PCSK5: variants seen among roughly 807,000 people sequenced by gnomAD.
PCSK5 encodes prohormone convertase 5.
Under a neutral mutation model 233.2 loss-of-function variants are expected in PCSK5, and 129 were observed. The ratio of observed to expected loss-of-function variants is 0.55; its 90% CI spans 0.48 to 0.64. The LOEUF is 0.64. PCSK5 is among the 30% of genes least tolerant of loss of function. The pLI, the probability that PCSK5 is intolerant of heterozygous loss-of-function variation, is 0.00. For missense variants in PCSK5, 2,076 were observed against 2,430.1 expected (o/e 0.85, Z 3.06); for synonymous variants, 825 against 879.2 (o/e 0.94, Z 1.09).
chr9:76,224,649 A>G (rs960263593), intron 20 of PCSK5, among the ~76,000 whole-genome samples: 4 of 152,160 alleles, frequency 2.6e-5, no homozygotes. Context: ...TGTCTGGAGG[A>G]TGTATTTAAA....
chr9:75,974,700 A>G (rs935729700), intron 2 of PCSK5, among the ~76,000 whole-genome samples: 17 of 152,142 alleles, frequency 1.1e-4, no homozygotes, highest in South Asian at 2.1e-4. Context: ...CCTTCCCCCA[A>G]GGCAGTCCCT....
intron 30 of PCSK5, among the ~76,000 whole-genome samples, chr9:76,315,528 T>C (rs1216242785): frequency 1.3e-5 from 2 of 152,180 alleles, no homozygotes; most frequent in Non-Finnish European, 2.9e-5. Context: ...AAAAGAAATA[T>C]TCGTCTTCTT....
In PCSK5 at chr9:76,292,215, A is replaced by G. The variant is rs1828299467; in HGVS notation, c.3143-18A>G. The stretch of plus-strand genomic sequence containing the variant: ...GAATTCCTCATGATTATTACTTTTT[A>G]TTATTTTTTTTTTCCAGATGATCCA... On this transcript the variant is annotated intron_variant, in intron 24 of 37. Transcript: ENST00000674117. 6.9e-7 allele frequency: 1 copy of G among 1,452,930 alleles called. No homozygotes were observed. The highest frequency in any genetic ancestry group is 2.3e-5 in the East Asian group (1 of 44,236). 90.0% of individuals were successfully genotyped at this position (1,452,930 alleles called of 1,614,324 possible).
intron 28 of PCSK5, among the ~76,000 whole-genome samples, chr9:76,302,561 G>A (rs560382009): frequency 3.3e-5 from 5 of 152,232 alleles, no homozygotes; most frequent in South Asian, 2.1e-4. Flanking sequence ...CCCAGTCACC[G>A]CAGCATTGTT....
chr9:76,071,416 C>G (rs1830476624), intron 6 of PCSK5, among the ~76,000 whole-genome samples: 1 of 152,062 alleles, frequency 6.6e-6, no homozygotes, highest in Admixed American at 6.6e-5. Flanking sequence ...TTGAAGATCT[C>G]TTTGTCAAGT....
intron 11 of PCSK5, among the ~76,000 whole-genome samples, chr9:76,157,550 G>T (rs1341866698): frequency 6.6e-6 from 1 of 151,890 alleles, no homozygotes; most frequent in Non-Finnish European, 1.5e-5. Context: ...AAAAGAGATT[G>T]CAGTTTACTC....
At chr9:75,974,234 C>A (rs1467959572) in intron 2 of PCSK5, among the ~76,000 whole-genome samples, 1 of 152,116 alleles carries the variant, frequency 6.6e-6, no homozygotes, top group Non-Finnish European at 1.5e-5. Flanking sequence ...GCACCGCTCG[C>A]CTTCCCGTAG....
rs142301144 is a variant in PCSK5, at chr9:76,051,558, T to C, written c.633-16397T>C. On this transcript the variant is annotated intron_variant, in intron 5 of 37. Coordinates refer to ENST00000674117, the MANE Select transcript of PCSK5 (RefSeq NM_001372043.1). ...AAAGTGTTATATTTTTATTTTCTGA[T>C]ATCATAGGTAATACTTATCTCAGTA... 2.7e-4 allele frequency among the ~76,000 whole-genome samples: 41 copies of C among 152,174 alleles called. 2 individuals carry two copies. The East Asian group carries it at 7.9e-3, about 29-fold the overall frequency.
chr9:76,064,777 G>A (rs887923142), intron 5 of PCSK5, among the ~76,000 whole-genome samples: 5 of 150,302 alleles, frequency 3.3e-5, no homozygotes, highest in South Asian at 2.1e-4. Context: ...CAGATGGGGC[G>A]GCGGGGCAGA....
chr9:76,040,198 A>G (rs1276502209), intron 5 of PCSK5, among the ~76,000 whole-genome samples: 3 of 152,104 alleles, frequency 2.0e-5, no homozygotes, highest in African/African-American at 7.2e-5. Context: ...GCAGCTGAAA[A>G]CGGTTAACAC....
chr9:76,299,785 A>T (rs956138387), intron 27 of PCSK5, among the ~76,000 whole-genome samples: 2 of 152,238 alleles, frequency 1.3e-5, no homozygotes, highest in African/African-American at 4.8e-5. Flanking sequence ...CAGGTATGGC[A>T]GACCACGGGC....
chr9:75,939,677 A>G (rs528379581), intron 2 of PCSK5, among the ~76,000 whole-genome samples: 74 of 152,240 alleles, frequency 4.9e-4, no homozygotes, highest in Non-Finnish European at 9.6e-4. Flanking sequence ...TTAAAAATAA[A>G]AACCATAAAC....
At chr9:76,041,016 A>G (rs1440591224) in intron 5 of PCSK5, among the ~76,000 whole-genome samples, 1 of 152,232 alleles carries the variant, frequency 6.6e-6, no homozygotes, top group Non-Finnish European at 1.5e-5. Context: ...AAAGCATTTC[A>G]TGGAACCCTG....
chr9:76,358,996 C>G lies in PCSK5; in HGVS notation c.*74C>G. On this transcript the variant is annotated 3_prime_UTR_variant, in exon 38 of 38. Coordinates refer to ENST00000674117, the MANE Select transcript of PCSK5 (RefSeq NM_001372043.1). ...TGAGCATCACTGTTTTTGGTTTTAT[C>G]CCCACACCAGGCTGATGTGTGAGTT... 7.8e-7 allele frequency: 1 copy of G among 1,274,170 alleles called. No homozygotes were observed. 78.9% of individuals were successfully genotyped at this position (1,274,170 alleles called of 1,614,324 possible). A position where few individuals can be genotyped will look rare whatever the true frequency, so the allele number is the denominator to read the frequency against.
At chr9:76,155,080 G>A (rs1461060089) in intron 10 of PCSK5, among the ~76,000 whole-genome samples, 1 of 152,108 alleles carries the variant, frequency 6.6e-6, no homozygotes, top group Non-Finnish European at 1.5e-5. Context: ...AATAAAAATT[G>A]CAGAAGTACC....
chr9:75,977,852 C>A (rs535630092), intron 2 of PCSK5, among the ~76,000 whole-genome samples: 1 of 151,934 alleles, frequency 6.6e-6, no homozygotes, highest in Admixed American at 6.5e-5. Context: ...CTCAGATGAT[C>A]CACCCACCTC....
At chr9:76,169,913 T>G in intron 13 of PCSK5, 73 bp downstream of exon 13, 2 of 1,232,106 alleles carry the variant, frequency 1.6e-6, no homozygotes, top group Non-Finnish European at 2.4e-6. Flanking sequence ...GCCAGAGTGT[T>G]TCACACTCAC....
chr9:76,337,725 C>A (rs1159022877), intron 34 of PCSK5, among the ~76,000 whole-genome samples: 8 of 151,462 alleles, frequency 5.3e-5, no homozygotes, highest in Admixed American at 5.3e-4. Context: ...CCACCCATGT[C>A]GGCCTCCCAA....
At chr9:75,957,893 ATT>A in intron 2 of PCSK5, among the ~76,000 whole-genome samples, 2 of 152,256 alleles carry the variant, frequency 1.3e-5, no homozygotes, top group South Asian at 4.1e-4. Flanking sequence ...CTTTTAGGTA[ATT>A]CTATTTTGAG....
Sources: gnomAD v4.1 joint callset for allele counts (sites outside exome capture counted in the v4.1 genomes callset) on GRCh38, gnomAD v4.1.1 for gene constraint, MANE v1.5 for transcripts, NCBI Gene and HGNC (gene_info 2026-07-23, HGNC 2026-07-21) for gene names.